SCN1A: variants seen among roughly 807,000 people sequenced by gnomAD.
SCN1A encodes sodium voltage-gated channel alpha subunit 1.
A neutral mutation model predicts 193.7 loss-of-function variants in SCN1A; 13 were observed. The ratio of observed to expected loss-of-function variants is 0.07; its 90% CI spans 0.04 to 0.11. The LOEUF is 0.11. Among genes scored for constraint, SCN1A ranks in the 10% least tolerant of loss-of-function variants. The probability of loss-of-function intolerance (pLI) is 1.00; values close to 1 mark genes in which losing one functional copy is unlikely to be tolerated. For synonymous variants in SCN1A, 781 were observed against 843.6 expected (o/e 0.93, Z 1.29); for missense variants, 1,432 against 2,451.1 (o/e 0.58, Z 8.78).
At chr2:166,108,957 G>A (rs1689000243) in intron 2 of SCN1A, among the ~76,000 whole-genome samples, 1 of 152,118 alleles carries the variant, frequency 6.6e-6, no homozygotes, top group African/African-American at 2.4e-5. Context: ...AATCATGTAA[G>A]CAGTGATAAT....
chr2:165,991,487 G>C lies in SCN1A; in HGVS notation c.5788C>G (p.Leu1930Val). 1 of 1,613,870 alleles carries C rather than the reference G, an allele frequency of 6.2e-7. No individual in the cohort carries two copies. Among genetic ancestry groups the C allele is most frequent in the African/African-American group, 1.3e-5 (1 of 75,012 alleles). The part of the protein sequence containing the change: ...VIIQRAYRRH[L>V]LKRTVKQASF... ...GCTTGTTTTACAGTTCGCTTTAAAA[G>C]GTGGCGTCTGTAAGCACGCTGAATA... Residue 1930 changes from leucine (L) to valine (V), a missense_variant, in exon 29 of 29, where the codon CTT (leucine) becomes GTT (valine). Physicochemically the swap from Leu to Val is conservative, Grantham distance 32. Coordinates refer to ENST00000674923, the MANE Select transcript of SCN1A (RefSeq NM_001165963.4).
intron 2 of SCN1A, among the ~76,000 whole-genome samples, chr2:166,090,029 CTTTTTT>C (rs545740675): frequency 1.4e-5 from 1 of 71,420 alleles, no homozygotes; most frequent in Non-Finnish European, 2.6e-5. Flanking sequence ...TCCTTCTTTC[CTTTTTT>C]TTTTTTTTTT....
intron 2 of SCN1A, among the ~76,000 whole-genome samples, chr2:166,078,168 G>A (rs1311879777): frequency 6.6e-6 from 1 of 151,622 alleles, no homozygotes; most frequent in Non-Finnish European, 1.5e-5. Flanking sequence ...TGGACTTTGG[G>A]TGATTATGAT....
chr2:166,103,280 G>A (rs1344293120), intron 2 of SCN1A, among the ~76,000 whole-genome samples: 1 of 152,058 alleles, frequency 6.6e-6, no homozygotes, highest in Non-Finnish European at 1.5e-5. Flanking sequence ...GCAAAACCTG[G>A]TCTTTACTGA....
At chr2:166,027,082 T>C (rs1022522077) in intron 19 of SCN1A, 4 of 152,230 alleles carry the variant, frequency 2.6e-5, no homozygotes, top group Non-Finnish European at 4.4e-5. Flanking sequence ...TATACACTTA[T>C]ACACTGACTT....
chr2:166,133,852 C>T (rs1691755103), intron 1 of SCN1A: 1 of 152,200 alleles, frequency 6.6e-6, no homozygotes, highest in Non-Finnish European at 1.5e-5. Flanking sequence ...CATCTTCCTC[C>T]ACCCTCTATC....
rs6753355 is a variant in SCN1A, at chr2:166,044,096, A to C, written c.1663-47T>G. ...CAAATAAAGTCATATTAATATGGACATTTGAATGTGATTTCATTTTGCAAG... is the reference window on the plus strand; with the variant it reads ...CAAATAAAGTCATATTAATATGGACCTTTGAATGTGATTTCATTTTGCAAG... On this transcript the variant is annotated intron_variant, in intron 13 of 28. Coordinates refer to ENST00000674923, the MANE Select transcript of SCN1A (RefSeq NM_001165963.4). The C allele has an allele frequency of 0.71, 1,130,399 of 1,601,034 alleles. 401,753 individuals are homozygous for C. The highest frequency in any genetic ancestry group is 0.89 in the East Asian group (39,932 of 44,634).
At chr2:166,072,835 TTC>T (rs367574338) in intron 4 of SCN1A, among the ~76,000 whole-genome samples, 1 of 131,098 alleles carries the variant, frequency 7.6e-6, no homozygotes, top group Non-Finnish European at 1.5e-5. Context: ...CCTCTCTTCT[TTC>T]TTTTTTTTTT....
intron 19 of SCN1A, among the ~76,000 whole-genome samples, chr2:166,028,046 A>G (rs1316033648): frequency 1.3e-5 from 2 of 152,188 alleles, no homozygotes; most frequent in African/African-American, 4.8e-5. Flanking sequence ...ATTCATATTT[A>G]CAGAATGTCA....
At chr2:166,132,473 T>G (rs572608969), upstream of SCN1A, among the ~76,000 whole-genome samples, 5 of 152,262 alleles carry the variant, frequency 3.3e-5, 1 homozygote, top group South Asian at 8.3e-4. Flanking sequence ...TGCCACTATT[T>G]TAGAAATAGA....
At chr2:166,009,495 T>G (rs985472585) in intron 23 of SCN1A, 5 of 315,868 alleles carry the variant, frequency 1.6e-5, no homozygotes, top group Admixed American at 4.5e-5. Context: ...GGAAATAAAG[T>G]CATTTAAATA....
chr2:166,034,458 C>G (rs980780968), intron 19 of SCN1A, among the ~76,000 whole-genome samples: 1 of 152,272 alleles, frequency 6.6e-6, no homozygotes, highest in East Asian at 1.9e-4. Flanking sequence ...AGAATTGTAT[C>G]TCTAATAAAA....
chr2:166,011,001 A>G (rs1387473737), intron 22 of SCN1A, among the ~76,000 whole-genome samples: 1 of 151,238 alleles, frequency 6.6e-6, no homozygotes, highest in Non-Finnish European at 1.5e-5. Flanking sequence ...TTAGATTTAA[A>G]TTATAGTGTA....
chr2:166,014,707 AAGG>A (rs1278681962), intron 20 of SCN1A, among the ~76,000 whole-genome samples: 3 of 151,468 alleles, frequency 2.0e-5, no homozygotes, highest in Admixed American at 6.6e-5. Flanking sequence ...GAATGGAGAA[AAGG>A]AGGAAGAAAA....
chr2:166,078,993 T>TGGAA (rs1559295230), intron 2 of SCN1A, among the ~76,000 whole-genome samples: 1 of 151,694 alleles, frequency 6.6e-6, no homozygotes, highest in Non-Finnish European at 1.5e-5. Flanking sequence ...TTCTGTTTCT[T>TGGAA]GGAATTTATT....
intron 18 of SCN1A, 137 bp from the exon 19 acceptor site, chr2:166,036,667 G>A: frequency 1.3e-6 from 1 of 787,392 alleles, no homozygotes; most frequent in South Asian, 1.9e-5. Context: ...CCACAGCATA[G>A]TGATTAGAAG....
intron 19 of SCN1A, among the ~76,000 whole-genome samples, chr2:166,019,252 A>G (rs1297702700): frequency 6.6e-6 from 1 of 152,182 alleles, no homozygotes; most frequent in Non-Finnish European, 1.5e-5. Flanking sequence ...CCTTATTAGC[A>G]TTCCAATGGA....
chr2:165,989,464 AAG>A lies in SCN1A; in HGVS notation c.*1779_*1780del, dbSNP rs1213891635. The A allele has an allele frequency of 5.3e-5, 8 of 152,366 alleles. No homozygotes were observed. Among genetic ancestry groups the A allele is most frequent in the African/African-American group, 1.9e-4 (8 of 41,556 alleles). 9.4% of individuals were successfully genotyped at this position (152,366 alleles called of 1,614,324 possible). On this transcript the variant is annotated 3_prime_UTR_variant, in exon 29 of 29. Coordinates refer to ENST00000674923, the MANE Select transcript of SCN1A (RefSeq NM_001165963.4). ...AAAACATAAACCGAAGTCAGAAAAA[AAG>A]AACAAAAATAACATAAGCACTACCT...
chr2:166,075,641 T>G (rs1684916043), intron 3 of SCN1A, among the ~76,000 whole-genome samples: 1 of 152,012 alleles, frequency 6.6e-6, no homozygotes, highest in African/African-American at 2.4e-5. Flanking sequence ...AGTAATACAT[T>G]TTTACACACA....
Sources: gnomAD v4.1 joint callset for allele counts (sites outside exome capture counted in the v4.1 genomes callset) on GRCh38, gnomAD v4.1.1 for gene constraint, MANE v1.5 for transcripts, NCBI Gene and HGNC (gene_info 2026-07-23, HGNC 2026-07-21) for gene names.